Variants in GPCPD1 observed in about 807,000 individuals in gnomAD.
GPCPD1 encodes the protein glycerophosphocholine phosphodiesterase 1.
Under a neutral mutation model 89.2 loss-of-function variants are expected in GPCPD1, and 29 were observed. The ratio of observed to expected loss-of-function variants is 0.33; its 90% CI spans 0.24 to 0.44. The LOEUF is 0.44. Ranked by LOEUF, GPCPD1 falls within the 20% of genes least tolerant of loss-of-function variation. GPCPD1 has a pLI of 1.00. For synonymous variants in GPCPD1, 258 were observed against 266.3 expected, an observed-to-expected ratio of 0.97 and a Z score of 0.30; for missense variants, 594 against 808.9, an observed-to-expected ratio of 0.73 and a Z score of 3.22.
At chr20:5,559,614 T>C (rs1263273256) in intron 17 of GPCPD1, among the ~76,000 whole-genome samples, 2 of 152,150 alleles carry the variant, frequency 1.3e-5, no homozygotes, top group African/African-American at 4.8e-5. Flanking sequence ...AAATACAAAT[T>C]TAAAATTTTT....
chr20:5,563,083 C>T (rs970703753), intron 15 of GPCPD1, among the ~76,000 whole-genome samples: 2 of 151,610 alleles, frequency 1.3e-5, no homozygotes, highest in East Asian at 2.0e-4. Flanking sequence ...CCTGAGTTCA[C>T]GCCATTCTGC....
intron 3 of GPCPD1, 122 bp from the exon 4 acceptor site, chr20:5,593,533 C>A: frequency 1.6e-6 from 1 of 618,190 alleles, no homozygotes; most frequent in Non-Finnish European, 2.9e-6. Flanking sequence ...TATTCCTACA[C>A]AAAATTTTAC....
intron 12 of GPCPD1, 60 bp downstream of exon 12, chr20:5,570,087 C>T (rs574389897): frequency 4.1e-6 from 3 of 729,876 alleles, no homozygotes; most frequent in East Asian, 2.7e-5. Flanking sequence ...AAAAAAACTT[C>T]CTAGTTTTTA....
intron 16 of GPCPD1, 131 bp downstream of exon 16, chr20:5,561,334 T>C: frequency 1.9e-6 from 1 of 520,860 alleles, no homozygotes; most frequent in South Asian, 3.1e-5. Flanking sequence ...CCAATAAGCA[T>C]TGTGCTTGGT....
chr20:5,580,555 C>A (rs1437881001), intron 6 of GPCPD1, among the ~76,000 whole-genome samples: 6 of 151,880 alleles, frequency 4.0e-5, no homozygotes, highest in Non-Finnish European at 8.8e-5. Context: ...GAAGCCCCGT[C>A]TCTACTACAA....
At chr20:5,604,925 C>T (rs1980473340) in intron 1 of GPCPD1, among the ~76,000 whole-genome samples, 1 of 151,824 alleles carries the variant, frequency 6.6e-6, no homozygotes. Context: ...TGTACTCTAG[C>T]CTGAGCCACA....
intron 2 of GPCPD1, among the ~76,000 whole-genome samples, chr20:5,602,306 G>T (rs1980217392): frequency 6.6e-6 from 1 of 152,152 alleles, no homozygotes; most frequent in African/African-American, 2.4e-5. Flanking sequence ...CAGTCCATTT[G>T]CCCGACATGG....
chr20:5,562,325 C>G (rs1986133957), intron 15 of GPCPD1, among the ~76,000 whole-genome samples: 1 of 152,170 alleles, frequency 6.6e-6, no homozygotes, highest in Non-Finnish European at 1.5e-5. Flanking sequence ...CTCTGTCACC[C>G]AGGCTGGAGC....
rs775065686 is a variant in GPCPD1, at chr20:5,558,123, A to G, written c.1669-18T>C. 5.2e-6 allele frequency: 8 copies of G among 1,523,892 alleles called. No individual in the cohort carries two copies. In the Admixed American group the frequency reaches 1.6e-4, roughly 30 times the overall value. 94.4% of individuals were successfully genotyped at this position (1,523,892 alleles called of 1,614,324 possible). On this transcript the variant is annotated intron_variant, in intron 18 of 19. Transcript: ENST00000379019. ...TTTATCCCCTAGAAGAAGAAAAATT[A>G]GTTGTGCATGAAAAAGAAACATTAA...
At chr20:5,571,343 GCTTT>G (rs902463983) in intron 11 of GPCPD1, among the ~76,000 whole-genome samples, 4 of 152,318 alleles carry the variant, frequency 2.6e-5, no homozygotes, top group African/African-American at 9.6e-5. Flanking sequence ...TTAAGTTGTA[GCTTT>G]CTAATTTTTT....
At chr20:5,577,325 A>AC (rs1978294490) in intron 8 of GPCPD1, among the ~76,000 whole-genome samples, 1 of 151,310 alleles carries the variant, frequency 6.6e-6, no homozygotes, top group East Asian at 1.9e-4. Flanking sequence ...CCGGCCAAAA[A>AC]CGTTTTTTTT....
At chr20:5,574,814 T>TA (rs1600747044) in intron 10 of GPCPD1, among the ~76,000 whole-genome samples, 2 of 152,042 alleles carry the variant, frequency 1.3e-5, no homozygotes, top group African/African-American at 2.4e-5. Context: ...ACCTTAAAAT[T>TA]AAAAAATCCT....
chr20:5,577,071 T>G (rs1486999506), intron 8 of GPCPD1, among the ~76,000 whole-genome samples: 11 of 148,722 alleles, frequency 7.4e-5, no homozygotes, highest in South Asian at 6.4e-4. Context: ...TTTTGTTTTT[T>G]TTTTTTTTTC....
chr20:5,590,809 G>C (rs1258017623), intron 4 of GPCPD1, among the ~76,000 whole-genome samples: 6 of 152,182 alleles, frequency 3.9e-5, no homozygotes, highest in African/African-American at 1.4e-4. Flanking sequence ...GGGAGATCGA[G>C]GTCAAAATAA....
chr20:5,610,804 G>C (rs1413209739), intron 1 of GPCPD1, 38 bp downstream of exon 1: 2 of 151,162 alleles, frequency 1.3e-5, no homozygotes, highest in African/African-American at 4.8e-5. Flanking sequence ...CGCCACGTGA[G>C]TGGCCGCCCG....
At chr20:5,596,186 CCAGGAGTTCA>C (rs1422563150) in intron 3 of GPCPD1, among the ~76,000 whole-genome samples, 1 of 152,052 alleles carries the variant, frequency 6.6e-6, no homozygotes, top group Non-Finnish European at 1.5e-5. Context: ...GCAGCTTGAG[CCAGGAGTTCA>C]CAAACAGCCT....
intron 3 of GPCPD1, 114 bp from the exon 4 acceptor site, chr20:5,593,525 T>C (rs1979485105): frequency 1.5e-6 from 1 of 646,778 alleles, no homozygotes; most frequent in Non-Finnish European, 2.8e-6. Context: ...CACTTATTTA[T>C]TCCTACACAA....
intron 11 of GPCPD1, among the ~76,000 whole-genome samples, chr20:5,571,708 A>G (rs1367272357): frequency 6.6e-6 from 1 of 152,200 alleles, no homozygotes; most frequent in African/African-American, 2.4e-5. Flanking sequence ...AAGAAGTTCA[A>G]GACCAGCCTG....
chr20:5,581,814 CTTTT>C (rs11479995), intron 6 of GPCPD1, among the ~76,000 whole-genome samples: 474 of 74,804 alleles, frequency 6.3e-3, no homozygotes, highest in Non-Finnish European at 9.0e-3. Flanking sequence ...GGGACTTTAA[CTTTT>C]TTTTTTTTTT....
Sources: gnomAD v4.1 joint callset for allele counts (sites outside exome capture counted in the v4.1 genomes callset) on GRCh38, gnomAD v4.1.1 for gene constraint, MANE v1.5 for transcripts, NCBI Gene and HGNC (gene_info 2026-07-23, HGNC 2026-07-21) for gene names.